Variants in LILRA1 observed in about 807,000 individuals in gnomAD.
LILRA1 encodes leukocyte immunoglobulin-like receptor subfamily A member 1.
Under a neutral mutation model 51.6 loss-of-function variants are expected in LILRA1, and 51 were observed. The observed-to-expected ratio is 0.99, with a 90% CI of 0.79 to 1.25. The LOEUF is 1.25. Ranked by LOEUF, LILRA1 falls within the 50% of genes most tolerant of loss-of-function variation. The probability of loss-of-function intolerance (pLI) is 0.00; values close to 1 mark genes in which losing one functional copy is unlikely to be tolerated. For synonymous variants in LILRA1, 305 were observed against 248.4 expected (o/e 1.23, Z -2.14); for missense variants, 660 against 611.7 (o/e 1.08, Z -0.83).
Position 54,596,390 on chromosome 19 carries a change from T to C in LILRA1, c.1160T>C (p.Val387Ala). 6.2e-7 allele frequency: 1 copy of C among 1,614,080 alleles called. No individual in the cohort carries two copies. Among genetic ancestry groups the C allele is most frequent in the Non-Finnish European group, 8.5e-7 (1 of 1,180,000 alleles). ...KYQAEFPMSP[V>A]TSAHSGTYRC... is the part of the protein sequence containing the mutation. Reference sequence around the variant, plus strand: ...CAGGCTGAATTCCCTATGAGTCCTGTGACCTCAGCCCACTCGGGGACCTAC... The same window carrying C: ...CAGGCTGAATTCCCTATGAGTCCTGCGACCTCAGCCCACTCGGGGACCTAC... Residue 387 changes from valine (V) to alanine (A), a missense_variant, in exon 7 of 10, where the codon GTG becomes GCG. Val to Ala is a moderately conservative substitution (Grantham distance 64, BLOSUM62 0). Transcript: ENST00000251372.
chr19:54,600,373 T>G, intron 8 of LILRA1, 139 bp from the exon 9 acceptor site: 1 of 776,450 alleles, frequency 1.3e-6, no homozygotes, highest in Non-Finnish European at 2.1e-6. Flanking sequence ...ATAAGGACAC[T>G]GGAGGGAACC....
Position 54,596,445 on chromosome 19 carries a change from C to T in LILRA1, c.1215C>T (p.Pro405=), listed in dbSNP as rs766408299. ...GCTACGGCTCACTCAGCTCCAACCC[C>T]TACCTGCTGTCTCACCCCAGTGACT... ...YRCYGSLSSN[P]YLLSHPSDSL... The change falls in exon 7 of 10, where the codon CCC becomes CCT. Residue 405 remains proline (P), a synonymous_variant. Coordinates refer to ENST00000251372, the MANE Select transcript of LILRA1 (RefSeq NM_006863.4). The T allele has an allele frequency of 6.2e-7, 1 of 1,614,186 alleles. No individual in the cohort carries two copies. The highest frequency in any genetic ancestry group is 8.5e-7 in the Non-Finnish European group (1 of 1,180,012).
Position 54,595,365 on chromosome 19 carries a change from G to T in LILRA1, c.624G>T (p.Trp208Cys). Reference sequence around the variant, plus strand: ...ATGACTCGAACTCTCCCCATGTGTGGTCTCTACCCAGTGATCTCCTGGAGC... The same window carrying T: ...ATGACTCGAACTCTCCCCATGTGTGTTCTCTACCCAGTGATCTCCTGGAGC... ...YAYDSNSPHV[W>C]SLPSDLLELL... Residue 208 changes from tryptophan to cysteine, a missense_variant, in exon 5 of 10, where the codon TGG (tryptophan) becomes TGT (cysteine). Coordinates refer to ENST00000251372, the MANE Select transcript of LILRA1 (RefSeq NM_006863.4). 6.2e-7 allele frequency: 1 copy of T among 1,613,762 alleles called. No homozygotes were observed. Among genetic ancestry groups the T allele is most frequent in the Non-Finnish European group, 8.5e-7 (1 of 1,179,752 alleles).
rs112603878 is a variant in LILRA1 at position 54,595,812 on chromosome 19, C to G, written c.835C>G (p.Gln279Glu). The G allele has an allele frequency of 3.1e-6, 5 of 1,614,220 alleles. No homozygotes were observed. In the African/African-American group the frequency reaches 5.3e-5, roughly 17 times the overall value. Residue 279 changes from glutamine (Q) to glutamate (E), a missense_variant, in exon 6 of 10, where the codon CAG (glutamine) becomes GAG (glutamate). Transcript: ENST00000251372. ...PGPQPQAGLSQANFTLGPVSR... is the reference protein window; with the variant it reads ...PGPQPQAGLSEANFTLGPVSR... ...CCCACAGCCCCAGGCTGGGCTCTCC[C>G]AGGCCAACTTCACCCTGGGCCCTGT...
At position 54,595,784 on chromosome 19, in the gene LILRA1, T is replaced by A. The variant is rs761291490; in HGVS notation, c.807T>A (p.Pro269=). ...GAGAACGTGACTTCCTCCAGCTCCC[T>A]GGCCCACAGCCCCAGGCTGGGCTCT... ...KEGERDFLQL[P]GPQPQAGLSQ... The change falls in exon 6 of 10, where the codon CCT becomes CCA. Residue 269 remains proline, a synonymous_variant. Transcript: ENST00000251372. The A allele has an allele frequency of 1.2e-6, 2 of 1,614,170 alleles. No homozygotes were observed. Among genetic ancestry groups the A allele is most frequent in the Non-Finnish European group, 1.7e-6 (2 of 1,180,002 alleles).
At position 54,594,464 on chromosome 19, in the gene LILRA1, C is replaced by G. The variant is rs372670314; in HGVS notation, c.58C>G (p.His20Asp). 4 of 1,614,156 alleles carry G rather than the reference C, an allele frequency of 2.5e-6. No individual in the cohort carries two copies. The highest frequency in any genetic ancestry group is 3.4e-6 in the Non-Finnish European group (4 of 1,180,020). ...AGGGCTGAGTCTGGGCCCCCGGACC[C>G]ACGTGCAGGCAGGTGAGTCTGTCCC... ...CLRLSLGPRT[H>D]VQAGTLPKPT... is the part of the protein sequence containing the mutation. Residue 20 changes from histidine to aspartate, a missense_variant, in exon 3 of 10, where the codon CAC becomes GAC. Transcript: ENST00000251372.
chr19:54,602,267 C>T lies in LILRA1; in HGVS notation c.*1450C>T, dbSNP rs187315699. The stretch of plus-strand genomic sequence containing the variant: ...TCTAGAGTAAACAAATCTTATCATT[C>T]GCCATCTACCCTCTAGAATAGAGAA... On this transcript the variant is annotated 3_prime_UTR_variant, in exon 10 of 10. Coordinates refer to ENST00000251372, the MANE Select transcript of LILRA1 (RefSeq NM_006863.4). Among the ~76,000 whole-genome samples the T allele has an allele frequency of 4.6e-5, 7 of 151,892 alleles. No homozygotes were observed. The East Asian group carries it at 9.7e-4, about 21-fold the overall frequency.
intron 8 of LILRA1, 62 bp downstream of exon 8, chr19:54,599,348 G>C: frequency 1.3e-6 from 2 of 1,512,420 alleles, no homozygotes; most frequent in East Asian, 5.7e-5. Context: ...CTGTCAAGGG[G>C]AGCTGGGTGT....
In LILRA1 at chr19:54,601,705, G is replaced by T. The variant is rs1315961793; in HGVS notation, c.*888G>T. 1.3e-5 allele frequency: 2 copies of T among 152,260 alleles called. No homozygotes were observed. The highest frequency in any genetic ancestry group is 4.8e-5 in the African/African-American group (2 of 41,470). The allele number at this position is 152,260 out of a possible 1,614,324, so 9.4% of individuals were successfully genotyped here. On this transcript the variant is annotated 3_prime_UTR_variant, in exon 10 of 10. Transcript: ENST00000251372. The stretch of plus-strand genomic sequence containing the variant: ...ACGGAAGCAGGATAGAAATCCAGCT[G>T]CAGACAAGACCTCAGGTCGATGAAT...
intron 8 of LILRA1, among the ~76,000 whole-genome samples, chr19:54,600,294 A>C (rs2063140825): frequency 6.6e-6 from 1 of 152,158 alleles, no homozygotes; most frequent in Admixed American, 6.5e-5. Context: ...AGTGCAGGAA[A>C]ACGCCCTCCC....
chr19:54,599,478 C>A, intron 8 of LILRA1, 192 bp downstream of exon 8: 1 of 1,245,468 alleles, frequency 8.0e-7, no homozygotes, highest in Non-Finnish European at 1.0e-6. Flanking sequence ...AGATAACTAT[C>A]CATGAGAAAG....
Position 54,595,165 on chromosome 19 carries a change from A to T in LILRA1, c.424A>T (p.Thr142Ser). ...TGTGGTGACCTCAGGAGGGAACGTG[A>T]CCCTCCATTGTGTCTCACAGGTGGC... The part of the protein sequence containing the change: ...SPVVTSGGNV[T>S]LHCVSQVAFG... The change falls in exon 5 of 10, where the codon ACC (threonine) becomes TCC (serine). Residue 142 changes from threonine to serine, a missense_variant. By Grantham distance (58) the Thr-to-Ser change is moderately conservative. Coordinates refer to ENST00000251372, the MANE Select transcript of LILRA1 (RefSeq NM_006863.4). The T allele has an allele frequency of 8.1e-6, 13 of 1,613,988 alleles. No homozygotes were observed. Among genetic ancestry groups the T allele is most frequent in the Non-Finnish European group, 1.1e-5 (13 of 1,179,976 alleles).
At chr19:54,595,454 A>T (rs2063019669) in intron 5 of LILRA1, 52 bp downstream of exon 5, 1 of 1,565,488 alleles carries the variant, frequency 6.4e-7, no homozygotes, top group South Asian at 1.2e-5. Flanking sequence ...CTGAGTCTCC[A>T]GGCAGGTGGG....
rs116973751 is a variant in LILRA1 at position 54,596,389 on chromosome 19, G to T, written c.1159G>T (p.Val387Leu). ...KYQAEFPMSP[V>L]TSAHSGTYRC... is the part of the protein sequence containing the mutation. ...CCAGGCTGAATTCCCTATGAGTCCTGTGACCTCAGCCCACTCGGGGACCTA... is the reference window on the plus strand; with the variant it reads ...CCAGGCTGAATTCCCTATGAGTCCTTTGACCTCAGCCCACTCGGGGACCTA... Residue 387 changes from valine (V) to leucine (L), a missense_variant, in exon 7 of 10, where the codon GTG becomes TTG. Physicochemically the swap from Val to Leu is conservative, Grantham distance 32. Transcript: ENST00000251372. 74,493 of 1,613,786 alleles carry T rather than the reference G, an allele frequency of 0.046. 1,623 individuals carry two copies. The highest frequency in any genetic ancestry group is 0.058 in the South Asian group (5,316 of 91,064).
At chr19:54,596,571 G>A in intron 7 of LILRA1, 80 bp downstream of exon 7, 1 of 1,573,360 alleles carries the variant, frequency 6.4e-7, no homozygotes, top group South Asian at 1.2e-5. Flanking sequence ...TGGACACTAA[G>A]AAAAGAGGGG....
At chr19:54,599,622 A>T (rs1218562216) in intron 8 of LILRA1, 2 of 1,012,836 alleles carry the variant, frequency 2.0e-6, no homozygotes, top group Non-Finnish European at 2.4e-6. Context: ...GGGAAATTTT[A>T]CTTCTTTATT....
At chr19:54,599,482 G>T (rs771559137) in intron 8 of LILRA1, 196 bp downstream of exon 8, 23 of 1,242,906 alleles carry the variant, frequency 1.9e-5, no homozygotes, top group Non-Finnish European at 2.3e-5. Context: ...AACTATCCAT[G>T]AGAAAGCTAC....
At chr19:54,594,978 C>A (rs772739955) in intron 4 of LILRA1, 26 bp downstream of exon 4, 13 of 1,612,186 alleles carry the variant, frequency 8.1e-6, no homozygotes, top group South Asian at 2.2e-5. Flanking sequence ...GGGCTCCCAG[C>A]CCCAGGCTCT....
intron 1 of LILRA1, 99 bp downstream of exon 1, chr19:54,593,880 T>A: frequency 1.8e-6 from 1 of 552,402 alleles, no homozygotes; most frequent in Non-Finnish European, 3.3e-6. Context: ...GTTACCCTCA[T>A]CTGGAAGGGC....
Sources: allele counts gnomAD v4.1 joint callset (sites outside exome capture counted in the v4.1 genomes callset), GRCh38; gene constraint gnomAD v4.1.1; transcripts MANE v1.5; gene names NCBI Gene and HGNC (gene_info 2026-07-23, HGNC 2026-07-21).